Variants in ARHGAP15 observed in about 807,000 individuals in gnomAD.
ARHGAP15 encodes rho GTPase-activating protein 15.
A neutral mutation model predicts 63.7 loss-of-function variants in ARHGAP15; 51 were observed. That is an observed-to-expected ratio of 0.80 (90% confidence interval 0.64 to 1.01). ARHGAP15 has a LOEUF of 1.01. Among genes scored for constraint, ARHGAP15 ranks in the 50% least tolerant of loss-of-function variants. The pLI, the probability that ARHGAP15 is intolerant of heterozygous loss-of-function variation, is 0.00. For missense variants in ARHGAP15, 560 were observed against 564.6 expected (o/e 0.99, Z 0.08); for synonymous variants, 191 against 193.8 (o/e 0.99, Z 0.12).
intron 8 of ARHGAP15, among the ~76,000 whole-genome samples, chr2:143,450,047 C>CT (rs71301730): frequency 0.2 from 27,821 of 136,972 alleles, 3,197 homozygotes; most frequent in East Asian, 0.5. Flanking sequence ...AATAATTAAT[C>CT]TTTTTTTTTT....
intron 6 of ARHGAP15, among the ~76,000 whole-genome samples, chr2:143,259,122 G>A (rs992287781): frequency 2.0e-5 from 3 of 151,890 alleles, no homozygotes; most frequent in African/African-American, 7.3e-5. Flanking sequence ...TGAGATCTGC[G>A]ATAGATTTGA....
chr2:143,541,598 C>G (rs1354866223), intron 10 of ARHGAP15, among the ~76,000 whole-genome samples: 5 of 152,164 alleles, frequency 3.3e-5, no homozygotes, highest in African/African-American at 1.2e-4. Context: ...TTCTAACAGT[C>G]AGGACCCTCA....
At chr2:143,690,522 T>C (rs999387485) in intron 12 of ARHGAP15, among the ~76,000 whole-genome samples, 19 of 152,218 alleles carry the variant, frequency 1.2e-4, no homozygotes, top group Non-Finnish European at 2.4e-4. Flanking sequence ...TGTTTATTTT[T>C]AGTCCTGCCA....
intron 6 of ARHGAP15, among the ~76,000 whole-genome samples, chr2:143,261,499 C>T (rs375301112): frequency 2.9e-3 from 418 of 143,190 alleles, no homozygotes; most frequent in African/African-American, 9.8e-3. Context: ...CCACCACACC[C>T]GGCTAATTTT....
intron 8 of ARHGAP15, among the ~76,000 whole-genome samples, chr2:143,469,948 A>T (rs1475048150): frequency 6.8e-5 from 10 of 147,250 alleles, no homozygotes; most frequent in Non-Finnish European, 1.3e-4. Context: ...TGACTCTCTC[A>T]CTCTCTCTCT....
intron 8 of ARHGAP15, among the ~76,000 whole-genome samples, chr2:143,470,503 G>C (rs551237667): frequency 6.7e-6 from 1 of 149,166 alleles, no homozygotes; most frequent in Admixed American, 6.8e-5. Context: ...TTCTAAAAAA[G>C]GAATTCATAA....
chr2:143,715,915 G>T (rs1031596706), intron 13 of ARHGAP15, among the ~76,000 whole-genome samples: 12 of 152,066 alleles, frequency 7.9e-5, no homozygotes, highest in African/African-American at 2.7e-4. Context: ...ATAAAGAAGG[G>T]GTCCAGTTTC....
At chr2:143,163,308 A>C (rs924419373) in intron 2 of ARHGAP15, among the ~76,000 whole-genome samples, 2 of 151,932 alleles carry the variant, frequency 1.3e-5, no homozygotes, top group African/African-American at 4.8e-5. Flanking sequence ...GCAGGCCTCC[A>C]TAATAACTAG....
rs568788228 is a variant in ARHGAP15, at chr2:143,502,567, G to A, written c.826+15072G>A. ...TAGAGGAAGCTTCTGTGTGTGGATCGTTTTGTTGTTGTTGTTGTTGTTTTG... is the reference window on the plus strand; with the variant it reads ...TAGAGGAAGCTTCTGTGTGTGGATCATTTTGTTGTTGTTGTTGTTGTTTTG... On this transcript the variant is annotated intron_variant, in intron 9 of 13. Coordinates refer to ENST00000295095, the MANE Select transcript of ARHGAP15 (RefSeq NM_018460.4). Among the ~76,000 whole-genome samples, 18 of 150,126 alleles carry A rather than the reference G, an allele frequency of 1.2e-4. No individual in the cohort carries two copies. In the South Asian group the frequency reaches 2.1e-3, roughly 18 times the overall value.
intron 6 of ARHGAP15, among the ~76,000 whole-genome samples, chr2:143,378,132 T>A (rs563673923): frequency 7.2e-5 from 11 of 152,010 alleles, no homozygotes; most frequent in Non-Finnish European, 1.2e-4. Context: ...TGCATGACTT[T>A]GGGAGATATG....
intron 6 of ARHGAP15, among the ~76,000 whole-genome samples, chr2:143,267,356 A>T (rs1681047860): frequency 6.6e-6 from 1 of 152,208 alleles, no homozygotes; most frequent in African/African-American, 2.4e-5. Flanking sequence ...ATTTAAAAGA[A>T]CCATTCAGCT....
At chr2:143,751,714 G>A (rs1245137666) in intron 13 of ARHGAP15, among the ~76,000 whole-genome samples, 1 of 152,098 alleles carries the variant, frequency 6.6e-6, no homozygotes, top group Non-Finnish European at 1.5e-5. Context: ...GGAGATCCAA[G>A]CTCCTACATA....
chr2:143,536,988 C>A (rs1694800493), intron 10 of ARHGAP15, among the ~76,000 whole-genome samples: 1 of 152,062 alleles, frequency 6.6e-6, no homozygotes. Context: ...ACAGTCCCAC[C>A]AACAGTGTAA....
At chr2:143,598,666 G>T (rs1248252978) in intron 11 of ARHGAP15, among the ~76,000 whole-genome samples, 4 of 152,126 alleles carry the variant, frequency 2.6e-5, no homozygotes, top group Admixed American at 2.6e-4. Context: ...AGCATTTTGG[G>T]AAGCTGAGGC....
At chr2:143,566,289 C>T (rs1368317358) in intron 11 of ARHGAP15, among the ~76,000 whole-genome samples, 1 of 152,062 alleles carries the variant, frequency 6.6e-6, no homozygotes, top group Non-Finnish European at 1.5e-5. Context: ...CTGAGGGTCC[C>T]AGCACAGCAG....
chr2:143,277,901 A>G (rs1185462310), intron 6 of ARHGAP15, among the ~76,000 whole-genome samples: 1 of 152,170 alleles, frequency 6.6e-6, no homozygotes, highest in Non-Finnish European at 1.5e-5. Context: ...CATCTCCAGC[A>G]TCTTACAAAG....
intron 5 of ARHGAP15, among the ~76,000 whole-genome samples, chr2:143,231,069 C>CT (rs914904536): frequency 0.11 from 13,483 of 125,418 alleles, 954 homozygotes; most frequent in Middle Eastern, 0.2. Flanking sequence ...GATGTAATTC[C>CT]TTTTTTTTTT....
chr2:143,183,851 C>A (rs188719781), intron 2 of ARHGAP15, among the ~76,000 whole-genome samples: 26 of 151,962 alleles, frequency 1.7e-4, no homozygotes, highest in Middle Eastern at 6.8e-3. Context: ...AAAAGACAGT[C>A]TTTATAAATG....
At chr2:143,183,495 T>A (rs1294879646) in intron 2 of ARHGAP15, among the ~76,000 whole-genome samples, 3 of 151,962 alleles carry the variant, frequency 2.0e-5, no homozygotes, top group Non-Finnish European at 2.9e-5. Flanking sequence ...GAGGCTACAA[T>A]TTTTTTTGTA....
Sources: gnomAD v4.1 joint callset for allele counts (sites outside exome capture counted in the v4.1 genomes callset) on GRCh38, gnomAD v4.1.1 for gene constraint, MANE v1.5 for transcripts, NCBI Gene and HGNC (gene_info 2026-07-23, HGNC 2026-07-21) for gene names.